LRRC56: variants seen among roughly 807,000 people sequenced by gnomAD.
The protein encoded by LRRC56 is leucine rich repeat containing 56.
In LRRC56, 41 loss-of-function variants were observed where a neutral mutation model predicts 47.8. The ratio of observed to expected loss-of-function variants is 0.86; its 90% confidence interval spans 0.67 to 1.11. LRRC56 has a LOEUF of 1.11. LRRC56 is among the 50% of genes most tolerant of loss of function. The probability of loss-of-function intolerance (pLI) is 0.00; values close to 1 mark genes in which losing one functional copy is unlikely to be tolerated. For missense variants in LRRC56, 759 were observed against 704.2 expected (o/e 1.08, Z -0.88); for synonymous variants, 387 against 311.2 (o/e 1.24, Z -2.56).
the LRRC56 span, among the ~76,000 whole-genome samples, chr11:513,237 C>A: frequency 1.3e-5 from 2 of 152,348 alleles, no homozygotes; most frequent in East Asian, 3.9e-4. Context: ...CTCACTGCAA[C>A]CTCTGCCTCC....
At chr11:549,577 G>A (rs898874544) in intron 6 of LRRC56, among the ~76,000 whole-genome samples, 8 of 152,344 alleles carry the variant, frequency 5.3e-5, no homozygotes, top group African/African-American at 1.9e-4. Flanking sequence ...AAACGCTACT[G>A]AGGAGACAAT....
At chr11:542,580 CAAAAAAAA>C (rs71022928) in intron 5 of LRRC56, among the ~76,000 whole-genome samples, 1 of 26,008 alleles carries the variant, frequency 3.8e-5, no homozygotes, top group Non-Finnish European at 6.4e-5. Flanking sequence ...AACCCTGTCG[CAAAAAAAA>C]AAAAAAAAAA....
the LRRC56 span, among the ~76,000 whole-genome samples, chr11:525,516 G>A: frequency 4.0e-5 from 6 of 151,660 alleles, no homozygotes; most frequent in African/African-American, 1.5e-4. Flanking sequence ...TCCAGCCTGG[G>A]TGACAGAGGT....
chr11:554,335 T>G lies in LRRC56; in HGVS notation c.*59T>G. The G allele has an allele frequency of 7.2e-7, 1 of 1,393,046 alleles. No individual in the cohort carries two copies. The highest frequency in any genetic ancestry group is 9.4e-7 in the Non-Finnish European group (1 of 1,058,308). 86.3% of individuals were successfully genotyped at this position (1,393,046 alleles called of 1,614,324 possible). On this transcript the variant is annotated 3_prime_UTR_variant, in exon 14 of 14. Transcript: ENST00000270115. ...GGCCACGACTTGCCCACATATGTGG[T>G]CACAGAGCACAGAATACCTGGGCGG...
rs771535672 is a variant in LRRC56 at position 541,592 on chromosome 11, T to C, written c.233T>C (p.Val78Ala). The C allele has an allele frequency of 6.3e-7, 1 of 1,590,260 alleles. No individual in the cohort carries two copies. Among genetic ancestry groups the C allele is most frequent in the South Asian group, 1.1e-5 (1 of 88,084 alleles). ...LRLVRTLEMC[V>A]DTREGSLGNF... ...CTGGTGAGGACGCTGGAGATGTGTG[T>C]GGACACTCGTGAGGGCAGCCTGGGG... The change falls in exon 5 of 14, where the codon GTG becomes GCG. Residue 78 changes from valine to alanine, a missense_variant. By Grantham distance (64) the Val-to-Ala change is moderately conservative. Coordinates refer to ENST00000270115, the MANE Select transcript of LRRC56 (RefSeq NM_198075.4). The surrounding 1 kb of genome is among the most constrained non-coding windows in gnomAD (Gnocchi z 4.1).
At position 541,595 on chromosome 11, in the gene LRRC56, A is replaced by G. The variant is rs772654220; in HGVS notation, c.236A>G (p.Asp79Gly). Reference sequence around the variant, plus strand: ...GTGAGGACGCTGGAGATGTGTGTGGACACTCGTGAGGGCAGCCTGGGGAAC... The same window carrying G: ...GTGAGGACGCTGGAGATGTGTGTGGGCACTCGTGAGGGCAGCCTGGGGAAC... ...RLVRTLEMCV[D>G]TREGSLGNFG... is the part of the protein sequence containing the mutation. The change falls in exon 5 of 14, where the codon GAC (aspartate) becomes GGC (glycine). Residue 79 changes from aspartate to glycine, a missense_variant. Transcript: ENST00000270115. The surrounding 1 kb of genome is among the most constrained non-coding windows in gnomAD (Gnocchi z 4.1). 2 of 1,589,054 alleles carry G rather than the reference A, an allele frequency of 1.3e-6. No homozygotes were observed. Among genetic ancestry groups the G allele is most frequent in the Non-Finnish European group, 1.7e-6 (2 of 1,166,586 alleles).
rs778415386 is a variant in LRRC56, at chr11:552,231, C to A, written c.1180C>A (p.Arg394Ser). Reference sequence around the variant, plus strand: ...CAGGGCCTGGAGGGAACATGGCGTGCGGTGGGTGTCCCTCCAGCTCTTCCA... The same window carrying A: ...CAGGGCCTGGAGGGAACATGGCGTGAGGTGGGTGTCCCTCCAGCTCTTCCA... ...GLRAWREHGV[R>S]PLPYRHPESQ... The change falls in exon 12 of 14, where the codon CGC becomes AGC. Residue 394 changes from arginine to serine, a missense_variant and splice_region_variant. Coordinates refer to ENST00000270115, the MANE Select transcript of LRRC56 (RefSeq NM_198075.4). The A allele has an allele frequency of 3.1e-5, 50 of 1,607,550 alleles. No individual in the cohort carries two copies. The highest frequency in any genetic ancestry group is 4.1e-5 in the Non-Finnish European group (48 of 1,176,290).
chr11:536,498 G>C (rs1034912066), upstream of LRRC56, among the ~76,000 whole-genome samples: 2 of 152,102 alleles, frequency 1.3e-5, no homozygotes, highest in African/African-American at 4.8e-5. Flanking sequence ...GGCCGGGCGC[G>C]GTGGCTCACG....
rs375099791 is a variant in LRRC56, at chr11:544,786, C to A, written c.326+6C>A. On this transcript the variant is annotated splice_donor_region_variant and intron_variant, in intron 6 of 13. Coordinates refer to ENST00000270115, the MANE Select transcript of LRRC56 (RefSeq NM_198075.4). ...AGCCACCTGGGCTCCCTGAGGTGAG[C>A]GCCTGAGGGGGGTGGGCTGGGGCCC... 6.2e-7 allele frequency: 1 copy of A among 1,608,720 alleles called. No homozygotes were observed. The highest frequency in any genetic ancestry group is 8.5e-7 in the Non-Finnish European group (1 of 1,179,148).
At chr11:513,070 GCA>G in the LRRC56 span, among the ~76,000 whole-genome samples, 1 of 152,228 alleles carries the variant, frequency 6.6e-6, no homozygotes, top group Non-Finnish European at 1.5e-5. Flanking sequence ...GCTGCTCTCA[GCA>G]CACTCTGCCC....
At chr11:542,798 C>T (rs1238101555) in intron 5 of LRRC56, among the ~76,000 whole-genome samples, 1 of 152,026 alleles carries the variant, frequency 6.6e-6, no homozygotes, top group Non-Finnish European at 1.5e-5. Flanking sequence ...GAGGACATTC[C>T]CTTAAATGCA....
At position 551,975 on chromosome 11, in the gene LRRC56, C is replaced by G; in HGVS notation, c.1038+8C>G. 1 of 1,612,586 alleles carries G rather than the reference C, an allele frequency of 6.2e-7. No homozygotes were observed. Among genetic ancestry groups the G allele is most frequent in the Non-Finnish European group, 8.5e-7 (1 of 1,179,832 alleles). ...CGTAGGCACCAGTGCCAGGTACAGCCCACAGGGACCAGCCCCCCACGAGAA... is the reference window on the plus strand; with the variant it reads ...CGTAGGCACCAGTGCCAGGTACAGCGCACAGGGACCAGCCCCCCACGAGAA... On this transcript the variant is annotated splice_region_variant and intron_variant, in intron 11 of 13. Transcript: ENST00000270115.
intron 5 of LRRC56, among the ~76,000 whole-genome samples, chr11:543,646 TCC>T (rs1374509601): frequency 6.6e-6 from 1 of 152,194 alleles, no homozygotes; most frequent in Non-Finnish European, 1.5e-5. Context: ...GCCTGTGAAG[TCC>T]CTGACCATTG....
Position 540,427 on chromosome 11 carries a change from C to T in LRRC56, c.-11-247C>T, listed in dbSNP as rs555081548. 1.4e-4 allele frequency among the ~76,000 whole-genome samples: 21 copies of T among 152,200 alleles called. No homozygotes were observed. In the South Asian group the frequency reaches 3.7e-3, roughly 27 times the overall value. On this transcript the variant is annotated intron_variant, in intron 3 of 13. Transcript: ENST00000270115. ...GCAGAAACACAGGGAGGGTGTCCTA[C>T]GAAGCAGAGGGGGTCGAGCCAAGGC...
chr11:537,477 G>C (rs1382839003), upstream of LRRC56: 2 of 152,272 alleles, frequency 1.3e-5, no homozygotes, highest in East Asian at 3.8e-4. Flanking sequence ...CCTGGCTCCC[G>C]TTGCTATGGC....
rs4963198 is a variant in LRRC56, at chr11:551,753, G to A, written c.899G>A (p.Arg300His). The change falls in exon 10 of 14, where the codon CGT (arginine) becomes CAT (histidine). Residue 300 changes from arginine to histidine, a missense_variant. By Grantham distance (29) the Arg-to-His change is conservative (BLOSUM62 0). Coordinates refer to ENST00000270115, the MANE Select transcript of LRRC56 (RefSeq NM_198075.4). ...SRPWPFSLLV[R>H]GGPLPEGLLS... ...CCCTGGCCCTTCTCCCTGCTGGTCC[G>A]TGGGGGCCCCCTGCCTGAAGGCCTG... 0.64 allele frequency: 1,036,207 copies of A among 1,610,428 alleles called. 336,695 individuals carry two copies. The highest frequency in any genetic ancestry group is 0.87 in the East Asian group (38,803 of 44,842).
chr11:528,600 A>AG, the LRRC56 span: 4 of 152,286 alleles, frequency 2.6e-5, no homozygotes, highest in Middle Eastern at 3.4e-3. Context: ...CTGCATCCCC[A>AG]GGACCACCCC....
chr11:539,056 G>A (rs1851653747), intron 2 of LRRC56, among the ~76,000 whole-genome samples, 196 bp downstream of exon 2: 1 of 152,188 alleles, frequency 6.6e-6, no homozygotes, highest in Non-Finnish European at 1.5e-5. Flanking sequence ...AGGGCCTGGG[G>A]CCGAGGCAGA....
chr11:535,500 C>T (rs1024960623), upstream of LRRC56: 1 of 147,664 alleles, frequency 6.8e-6, no homozygotes, highest in African/African-American at 2.4e-5. Flanking sequence ...GTTCGCCCCG[C>T]GCATGGGCTC....
Sources: gnomAD v4.1 joint callset for allele counts (sites outside exome capture counted in the v4.1 genomes callset) on GRCh38, gnomAD v4.1.1 for gene constraint, Gnocchi (gnomAD v3.1) non-coding constraint, MANE v1.5 for transcripts, NCBI Gene and HGNC (gene_info 2026-07-23, HGNC 2026-07-21) for gene names.